RRN3: variants seen among roughly 807,000 people sequenced by gnomAD.
RRN3 encodes the protein RNA polymerase I transcription factor RRN3.
A neutral mutation model predicts 82.3 loss-of-function variants in RRN3; 38 were observed. The observed-to-expected ratio is 0.46, with a 90% CI of 0.36 to 0.61. RRN3 has a LOEUF of 0.61. Among genes scored for constraint, RRN3 ranks in the 20% least tolerant of loss-of-function variants. The pLI, the probability that RRN3 is intolerant of heterozygous loss-of-function variation, is 0.00. For synonymous variants in RRN3, 284 were observed against 284.3 expected (o/e 1.00, Z 0.01); for missense variants, 726 against 793.1 (o/e 0.92, Z 1.02).
intron 16 of RRN3, 112 bp downstream of exon 16, chr16:15,065,107 G>C: frequency 9.2e-7 from 1 of 1,086,110 alleles, no homozygotes; most frequent in South Asian, 1.7e-5. Flanking sequence ...CGGAGCTTGC[G>C]GTAAGCCGAG....
chr16:15,079,056 C>G (rs1398407658), intron 9 of RRN3, among the ~76,000 whole-genome samples: 1 of 152,066 alleles, frequency 6.6e-6, no homozygotes, highest in Admixed American at 6.5e-5. Flanking sequence ...GTGATCCGCC[C>G]GCCTCGGCCT....
In RRN3 at chr16:15,091,708, A is replaced by G. The variant is rs537887557; in HGVS notation, c.196-337T>C. 3.3e-5 allele frequency among the ~76,000 whole-genome samples: 5 copies of G among 152,360 alleles called. No homozygotes were observed. In the South Asian group the frequency reaches 8.3e-4, roughly 25 times the overall value. On this transcript the variant is annotated intron_variant, in intron 2 of 17. Coordinates refer to ENST00000198767, the MANE Select transcript of RRN3 (RefSeq NM_018427.5). Reference sequence around the variant, plus strand: ...CTAATTCAGGAGGATCTAAAAAAGTATTCACTCAAATATGGATACAAATGG... The same window carrying G: ...CTAATTCAGGAGGATCTAAAAAAGTGTTCACTCAAATATGGATACAAATGG...
At chr16:15,073,642 G>GT (rs1301627681) in intron 11 of RRN3, among the ~76,000 whole-genome samples, 1 of 152,180 alleles carries the variant, frequency 6.6e-6, no homozygotes, top group East Asian at 1.9e-4. Context: ...TATCATTCGT[G>GT]TAGCAAAAGA....
intron 1 of RRN3, among the ~76,000 whole-genome samples, chr16:15,093,455 G>A (rs2046221110): frequency 6.6e-6 from 1 of 152,102 alleles, no homozygotes; most frequent in Admixed American, 6.5e-5. Flanking sequence ...CCTATGTACT[G>A]CCTTTCCCCC....
At chr16:15,092,673 C>T (rs2046184318) in intron 1 of RRN3, 59 bp from the exon 2 acceptor site, 3 of 1,132,662 alleles carry the variant, frequency 2.6e-6, no homozygotes, top group East Asian at 2.4e-5. Context: ...ATTATAATAG[C>T]CAACATTTAT....
At chr16:15,082,567 G>T (rs903448243) in intron 8 of RRN3, among the ~76,000 whole-genome samples, 1 of 151,840 alleles carries the variant, frequency 6.6e-6, no homozygotes, top group Non-Finnish European at 1.5e-5. Flanking sequence ...CACCTACTCG[G>T]GAGGCTGAGG....
intron 2 of RRN3, 74 bp downstream of exon 2, chr16:15,092,435 T>C: frequency 2.4e-6 from 2 of 851,006 alleles, no homozygotes; most frequent in Non-Finnish European, 4.0e-6. Flanking sequence ...CTATTTCTAT[T>C]GGTCTTTAGT....
rs745481960 is a variant in RRN3, at chr16:15,076,577, G to C, written c.839C>G (p.Thr280Arg). Residue 280 changes from threonine to arginine, a missense_variant, in exon 10 of 18, where the codon ACG (threonine) becomes AGG (arginine). This residue lies in a region of RRN3 where 344 missense variants were observed against 394.5 expected (regional missense o/e 0.87). Transcript: ENST00000198767. ...ATQTCGGTDS[T>R]EGLFNMDEDE... is the part of the protein sequence containing the mutation. Reference sequence around the variant, plus strand: ...GCTAACCATATTAAACAATCCTTCCGTGGAATCTGTCCCACCACAAGTTTG... The same window carrying C: ...GCTAACCATATTAAACAATCCTTCCCTGGAATCTGTCCCACCACAAGTTTG... 6 of 1,611,120 alleles carry C rather than the reference G, an allele frequency of 3.7e-6. No individual in the cohort carries two copies. The Admixed American group carries it at 5.0e-5, about 13-fold the overall frequency.
intron 16 of RRN3, among the ~76,000 whole-genome samples, chr16:15,064,761 G>C (rs1376847993): frequency 6.6e-6 from 1 of 152,210 alleles, no homozygotes; most frequent in Non-Finnish European, 1.5e-5. Context: ...TTTGCATCTG[G>C]TGAAATATAC....
intron 14 of RRN3, among the ~76,000 whole-genome samples, chr16:15,069,339 G>A (rs1425775182): frequency 6.6e-6 from 1 of 152,092 alleles, no homozygotes; most frequent in Non-Finnish European, 1.5e-5. Context: ...AATCGTGCAG[G>A]GTTCAGAGAC....
At chr16:15,093,408 T>A (rs1023253490) in intron 1 of RRN3, among the ~76,000 whole-genome samples, 7 of 152,218 alleles carry the variant, frequency 4.6e-5, no homozygotes, top group African/African-American at 1.4e-4. Flanking sequence ...ATTACCTTGT[T>A]GTATAACTGA....
chr16:15,064,774 A>T (rs1339870325), intron 16 of RRN3, among the ~76,000 whole-genome samples: 1 of 152,210 alleles, frequency 6.6e-6, no homozygotes, highest in Non-Finnish European at 1.5e-5. Flanking sequence ...AAATATACGC[A>T]GGGAGACCAC....
At chr16:15,063,861 T>C (rs887328213) in intron 16 of RRN3, among the ~76,000 whole-genome samples, 21 of 152,220 alleles carry the variant, frequency 1.4e-4, no homozygotes, top group African/African-American at 3.1e-4. Context: ...TGTGAAATTG[T>C]TTCTAAACTT....
At chr16:15,077,408 A>C (rs2966186) in intron 9 of RRN3, among the ~76,000 whole-genome samples, 99,464 of 151,684 alleles carry the variant, frequency 0.66, 34,332 homozygotes, top group Non-Finnish European at 0.76. Flanking sequence ...ATAAGTCTCA[A>C]GAGATCTGAT....
intron 12 of RRN3, 54 bp from the exon 13 acceptor site, chr16:15,071,305 G>C (rs2045217339): frequency 6.6e-7 from 1 of 1,514,910 alleles, no homozygotes; most frequent in Non-Finnish European, 8.9e-7. Context: ...AGATAATCTG[G>C]CTATCAAAAT....
chr16:15,076,687 T>A lies in RRN3; in HGVS notation c.766-37A>T, dbSNP rs773392292. On this transcript the variant is annotated intron_variant, in intron 9 of 17. Coordinates refer to ENST00000198767, the MANE Select transcript of RRN3 (RefSeq NM_018427.5). Reference sequence around the variant, plus strand: ...GGAGAAAAAAAAAGAATAAAAGGATTTAAAAAATACAACTATGTTATTTTG... The same window carrying A: ...GGAGAAAAAAAAAGAATAAAAGGATATAAAAAATACAACTATGTTATTTTG... The A allele has an allele frequency of 2.1e-6, 3 of 1,409,488 alleles. No homozygotes were observed. The South Asian group carries it at 3.5e-5, about 16-fold the overall frequency. The allele number at this position is 1,409,488 out of a possible 1,614,324, so 87.3% of individuals were successfully genotyped here. A position where few individuals can be genotyped will look rare whatever the true frequency, so the allele number is the denominator to read the frequency against.
chr16:15,083,393 G>C (rs1035890699), intron 8 of RRN3, 120 bp downstream of exon 8: 11 of 1,435,402 alleles, frequency 7.7e-6, no homozygotes, highest in Non-Finnish European at 1.0e-5. Context: ...AGTGAGACTC[G>C]GTCTCAAAAA....
chr16:15,065,377 G>T lies in RRN3; in HGVS notation c.1554-6C>A. On this transcript the variant is annotated splice_polypyrimidine_tract_variant and splice_region_variant and intron_variant, in intron 15 of 17. Coordinates refer to ENST00000198767, the MANE Select transcript of RRN3 (RefSeq NM_018427.5). ...AGAAGACGAGCTGGTACTTACTGTG[G>T]AACAAAAAAACAACACAGACAGAGG... 1.2e-6 allele frequency: 2 copies of T among 1,610,188 alleles called. No individual in the cohort carries two copies. The highest frequency in any genetic ancestry group is 1.1e-5 in the South Asian group (1 of 90,800).
intron 8 of RRN3, 97 bp from the exon 9 acceptor site, chr16:15,080,193 T>C (rs2151800328): frequency 6.9e-7 from 1 of 1,440,956 alleles, no homozygotes; most frequent in East Asian, 2.6e-5. Flanking sequence ...TAGTTTCAAA[T>C]ATTTAAAAAG....
Sources: gnomAD v4.1 joint callset for allele counts (sites outside exome capture counted in the v4.1 genomes callset) on GRCh38, gnomAD v4.1.1 for gene constraint, gnomAD v4.1.1 regional missense constraint, MANE v1.5 for transcripts, NCBI Gene and HGNC (gene_info 2026-07-23, HGNC 2026-07-21) for gene names.